COL17A1: variants seen among roughly 807,000 people sequenced by gnomAD.
The protein encoded by COL17A1 is collagen alpha-1(XVII) chain.
COL17A1 carries 181 observed loss-of-function variants against 218.4 expected under a neutral mutation model. The observed-to-expected ratio is 0.83, with a 90% CI of 0.73 to 0.94. COL17A1 has a LOEUF of 0.94. Ranked by LOEUF, COL17A1 falls within the 40% of genes least tolerant of loss-of-function variation. The pLI, the probability that COL17A1 is intolerant of heterozygous loss-of-function variation, is 0.00. For missense variants in COL17A1, 1,924 were observed against 1,945.9 expected, an observed-to-expected ratio of 0.99 and a Z score of 0.21; for synonymous variants, 721 against 731.0, an observed-to-expected ratio of 0.99 and a Z score of 0.22.
Position 104,047,817 on chromosome 10 carries a change from A to G in COL17A1, c.2264-7T>C. On this transcript the variant is annotated splice_polypyrimidine_tract_variant and splice_region_variant and intron_variant, in intron 30 of 55. Coordinates refer to ENST00000648076, the MANE Select transcript of COL17A1 (RefSeq NM_000494.4). ...CCAGTAAGACCTTGTTCACCTAGAG[A>G]GAGAATGGCCAACGTGGAAGTGTTT... is the stretch of plus-strand genomic sequence containing the variant. The G allele has an allele frequency of 1.9e-6, 3 of 1,612,982 alleles. No homozygotes were observed. The highest frequency in any genetic ancestry group is 2.5e-6 in the Non-Finnish European group (3 of 1,178,962).
At chr10:104,039,305 T>C in intron 43 of COL17A1, 140 bp downstream of exon 43, 1 of 1,078,260 alleles carries the variant, frequency 9.3e-7, no homozygotes, top group Non-Finnish European at 1.4e-6. Context: ...TTCCACCCTC[T>C]GGCCTTTCCT....
chr10:104,080,809 G>A (rs2086758375), intron 1 of COL17A1, 125 bp from the exon 2 acceptor site: 6 of 1,025,348 alleles, frequency 5.9e-6, no homozygotes, highest in African/African-American at 1.6e-5. Context: ...ATTCTTTCAC[G>A]TGAATATTTT....
chr10:104,046,615 A>C (rs1343305240), intron 32 of COL17A1, 132 bp downstream of exon 32: 2 of 831,558 alleles, frequency 2.4e-6, no homozygotes, highest in African/African-American at 3.4e-5. Context: ...CACGACTCAT[A>C]GTGAAAGGGA....
At chr10:104,045,431 G>A (rs1053888016) in intron 33 of COL17A1, among the ~76,000 whole-genome samples, 2 of 152,216 alleles carry the variant, frequency 1.3e-5, no homozygotes, top group Admixed American at 6.5e-5. Context: ...ACTAATGGGG[G>A]CATTTAGAGG....
Position 104,033,929 on chromosome 10 carries a change from A to G in COL17A1, c.4156+16T>C. 2.5e-6 allele frequency: 4 copies of G among 1,614,140 alleles called. No homozygotes were observed. The South Asian group carries it at 4.4e-5, about 18-fold the overall frequency. On this transcript the variant is annotated intron_variant, in intron 52 of 55. Transcript: ENST00000648076. ...CTCCTTCCCCCCAGCACCAAGGCCT[A>G]AATGTCCCCACTTACGCTGCATGCT...
At chr10:104,082,471 T>G (rs941339772) in intron 1 of COL17A1, among the ~76,000 whole-genome samples, 1 of 152,198 alleles carries the variant, frequency 6.6e-6, no homozygotes, top group Non-Finnish European at 1.5e-5. Context: ...TTTGGGGAGA[T>G]TAAACCTTTA....
At chr10:104,042,311 C>T in intron 36 of COL17A1, 109 bp downstream of exon 36, 1 of 1,266,868 alleles carries the variant, frequency 7.9e-7, no homozygotes, top group Non-Finnish European at 1.1e-6. Flanking sequence ...CCTCCTTTTC[C>T]AAAACACACC....
At chr10:104,065,597 A>G (rs2134637164) in intron 9 of COL17A1, among the ~76,000 whole-genome samples, 1 of 152,370 alleles carries the variant, frequency 6.6e-6, no homozygotes, top group African/African-American at 2.4e-5. Context: ...ATAAATAGTC[A>G]CTGAATGAAT....
At chr10:104,043,640 G>A in intron 34 of COL17A1, 59 bp from the exon 35 acceptor site, 1 of 1,590,808 alleles carries the variant, frequency 6.3e-7, no homozygotes, top group Non-Finnish European at 8.6e-7. Flanking sequence ...GAGGCGCTGG[G>A]ACCCAAGCCA....
At chr10:104,055,444 TCACACACACACACACA>T in intron 18 of COL17A1, 43 bp from the exon 19 acceptor site, 1 of 1,129,456 alleles carries the variant, frequency 8.9e-7, no homozygotes, top group Non-Finnish European at 1.3e-6. Context: ...ACATCTCCTG[TCACACACACACACACA>T]CACACACACA....
In COL17A1 at chr10:104,047,765, C is replaced by T; in HGVS notation, c.2309G>A (p.Gly770Glu). The T allele has an allele frequency of 6.2e-7, 1 of 1,614,190 alleles. No individual in the cohort carries two copies. The highest frequency in any genetic ancestry group is 1.1e-5 in the South Asian group (1 of 91,078). ...TGGCTTTCCTGGGTCTCCAGAAGGT[C>T]CTGGTGGGCCACGGATTCCAGGCAT... ...TGMPGIRGPP[G>E]PSGDPGKPGL... Residue 770 changes from glycine (G) to glutamate (E), a missense_variant, in exon 31 of 56, where the codon GGA (glycine) becomes GAA (glutamate). By Grantham distance (98) the Gly-to-Glu change is moderately conservative (BLOSUM62 -2). Transcript: ENST00000648076.
At chr10:104,049,015 G>C (rs1424234674) in intron 29 of COL17A1, among the ~76,000 whole-genome samples, 1 of 152,098 alleles carries the variant, frequency 6.6e-6, no homozygotes, top group East Asian at 1.9e-4. Flanking sequence ...GTCAGTTTCT[G>C]CAGCCAGGCT....
At chr10:104,072,255 A>C (rs2086675658) in intron 7 of COL17A1, among the ~76,000 whole-genome samples, 176 bp from the exon 8 acceptor site, 1 of 152,114 alleles carries the variant, frequency 6.6e-6, no homozygotes, top group Non-Finnish European at 1.5e-5. Flanking sequence ...AGACCTCCCT[A>C]CCTCCAACAA....
chr10:104,066,873 C>A (rs1432502199), intron 9 of COL17A1, among the ~76,000 whole-genome samples: 1 of 152,168 alleles, frequency 6.6e-6, no homozygotes, highest in East Asian at 1.9e-4. Flanking sequence ...CCCTATGGGA[C>A]AGGGAGAAGT....
intron 2 of COL17A1, among the ~76,000 whole-genome samples, chr10:104,079,941 A>AAG (rs397707487): frequency 1.3e-5 from 2 of 151,304 alleles, no homozygotes; most frequent in Admixed American, 6.6e-5. Context: ...AAAAAAAAAA[A>AAG]GGAAATGTTT....
At chr10:104,078,890 C>G (rs192886437) in intron 2 of COL17A1, among the ~76,000 whole-genome samples, 7 of 152,188 alleles carry the variant, frequency 4.6e-5, no homozygotes, top group Non-Finnish European at 8.8e-5. Flanking sequence ...TAGATCCAGT[C>G]CAGGCCTGGT....
At chr10:104,055,494 A>G (rs2086514121) in intron 18 of COL17A1, 93 bp from the exon 19 acceptor site, 3 of 1,351,882 alleles carry the variant, frequency 2.2e-6, no homozygotes, top group Non-Finnish European at 2.1e-6. Context: ...TAAGGGGATC[A>G]TGGTATGGGA....
chr10:104,082,776 C>T (rs2134667492), intron 1 of COL17A1, among the ~76,000 whole-genome samples: 1 of 152,312 alleles, frequency 6.6e-6, no homozygotes, highest in East Asian at 1.9e-4. Context: ...TTTCTTTATC[C>T]AAAACATAGC....
chr10:104,049,584 CA>C, intron 28 of COL17A1, 113 bp from the exon 29 acceptor site: 1 of 1,158,750 alleles, frequency 8.6e-7, no homozygotes, highest in African/African-American at 1.5e-5. Flanking sequence ...GCTTTGATTC[CA>C]AGGTCAGGGC....
Sources: allele counts gnomAD v4.1 joint callset (sites outside exome capture counted in the v4.1 genomes callset), GRCh38; gene constraint gnomAD v4.1.1; transcripts MANE v1.5; gene names NCBI Gene and HGNC (gene_info 2026-07-23, HGNC 2026-07-21).